The following RGPD2 variants were observed in gnomAD, a reference collection of about 807,000 sequenced individuals.
The protein encoded by RGPD2 is RANBP2-like and GRIP domain-containing protein 2.
A neutral mutation model predicts 36.0 loss-of-function variants in RGPD2; 2 were observed. The observed-to-expected ratio is 0.06, with a 90% CI of 0.02 to 0.17. The LOEUF is 0.17. Ranked by LOEUF, RGPD2 falls within the 10% of genes least tolerant of loss-of-function variation. RGPD2 has a pLI of 1.00. For synonymous variants in RGPD2, 19 were observed against 163.8 expected (o/e 0.12, Z 6.75); for missense variants, 40 against 464.3 (o/e 0.09, Z 8.40).
At position 87,792,266 on chromosome 2, in the gene RGPD2, C is replaced by T; in HGVS notation, c.2275G>A (p.Gly759Ser). 1 of 39,508 alleles carries T rather than the reference C, an allele frequency of 2.5e-5. No homozygotes were observed. Among genetic ancestry groups the T allele is most frequent in the Non-Finnish European group, 3.4e-5 (1 of 29,090 alleles). 2.4% of individuals were successfully genotyped at this position (39,508 alleles called of 1,614,324 possible). The change falls in exon 16 of 23, where the codon GGT becomes AGT. Residue 759 changes from glycine (G) to serine (S), a missense_variant. Gly to Ser is a moderately conservative substitution (Grantham distance 56). Coordinates refer to ENST00000398146, the MANE Select transcript of RGPD2 (RefSeq NM_001078170.3). ...MQELEDYSEG[G>S]PLYKNGSLRN... is the part of the protein sequence containing the mutation. ...AAAGAACCATTTTTATAGAGAGGAC[C>T]TCCTTCACTATAGTCTTCGAGTTCC...
the RGPD2 span, among the ~76,000 whole-genome samples, chr2:87,957,300 C>G: frequency 2.0e-5 from 3 of 147,628 alleles, no homozygotes; most frequent in Admixed American, 2.0e-4. Context: ...CTTTCTCTCT[C>G]TCTCTCTCTT....
At chr2:87,854,771 A>G in the RGPD2 span, among the ~76,000 whole-genome samples, 21 of 151,960 alleles carry the variant, frequency 1.4e-4, no homozygotes, top group African/African-American at 4.6e-4. Context: ...TTGTTTATTC[A>G]CCTATTGAAG....
the RGPD2 span, among the ~76,000 whole-genome samples, chr2:87,902,496 AT>A: frequency 6.8e-6 from 1 of 147,190 alleles, no homozygotes; most frequent in Non-Finnish European, 1.5e-5. Context: ...ATTTGCAACT[AT>A]GATTTTGTAG....
the RGPD2 span, among the ~76,000 whole-genome samples, chr2:87,964,601 T>C: frequency 1.3e-5 from 2 of 151,922 alleles, no homozygotes; most frequent in African/African-American, 4.8e-5. Context: ...TGGCACGATC[T>C]CAGCTCACTG....
chr2:87,856,722 CAT>C, the RGPD2 span, among the ~76,000 whole-genome samples: 1 of 147,120 alleles, frequency 6.8e-6, no homozygotes, highest in African/African-American at 2.4e-5. Context: ...CCTAAAAATA[CAT>C]TTTGGTGTGT....
the RGPD2 span, among the ~76,000 whole-genome samples, chr2:87,877,902 G>A: frequency 6.7e-6 from 1 of 148,918 alleles, no homozygotes; most frequent in Non-Finnish European, 1.5e-5. Flanking sequence ...TCCACTGTTA[G>A]TCTGATAGGC....
the RGPD2 span, among the ~76,000 whole-genome samples, chr2:87,877,049 T>C: frequency 1.3e-5 from 2 of 152,306 alleles, no homozygotes; most frequent in African/African-American, 4.8e-5. Flanking sequence ...GCTGTCCATT[T>C]TCTTGGTAGA....
chr2:87,949,143 G>GAA, the RGPD2 span, among the ~76,000 whole-genome samples: 1 of 140,536 alleles, frequency 7.1e-6, no homozygotes. Context: ...GAGACTGTCT[G>GAA]AAAAAAAAAA....
the RGPD2 span, chr2:87,972,610 T>C: frequency 9.0e-7 from 1 of 1,110,172 alleles, no homozygotes; most frequent in Middle Eastern, 2.9e-4. Context: ...GCGGGGCGGC[T>C]GGCGGTAGAG....
At chr2:87,986,772 C>A in the RGPD2 span, among the ~76,000 whole-genome samples, 1 of 151,022 alleles carries the variant, frequency 6.6e-6, no homozygotes, top group African/African-American at 2.4e-5. Flanking sequence ...CCCAGCTACT[C>A]AGGAGGCTGA....
At chr2:87,760,922 T>C (rs974468176) in intron 22 of RGPD2, among the ~76,000 whole-genome samples, 18 of 150,494 alleles carry the variant, frequency 1.2e-4, no homozygotes, top group African/African-American at 4.1e-4. Flanking sequence ...TGGCTTTCTC[T>C]TTTTCTTCTC....
the RGPD2 span, among the ~76,000 whole-genome samples, chr2:87,831,542 T>C: frequency 1.3e-5 from 2 of 151,124 alleles, no homozygotes; most frequent in Non-Finnish European, 3.0e-5. Flanking sequence ...AAAAAACATA[T>C]CTTAAAAAAA....
the RGPD2 span, among the ~76,000 whole-genome samples, chr2:87,836,900 A>C: frequency 3.7e-3 from 561 of 152,234 alleles, 4 homozygotes; most frequent in African/African-American, 0.013. Flanking sequence ...ACTTATCATC[A>C]AACAGAAAGA....
chr2:87,989,419 C>T, the RGPD2 span, among the ~76,000 whole-genome samples: 94 of 152,110 alleles, frequency 6.2e-4, no homozygotes, highest in African/African-American at 2.2e-3. Context: ...ATCAAAAGGA[C>T]ATTTAGTTTT....
chr2:87,848,839 T>C, the RGPD2 span, among the ~76,000 whole-genome samples: 1 of 140,890 alleles, frequency 7.1e-6, no homozygotes, highest in African/African-American at 2.6e-5. Flanking sequence ...TTAAAAAGGG[T>C]GGAAAATAAT....
intron 4 of RGPD2, among the ~76,000 whole-genome samples, chr2:87,815,081 T>C (rs1461191475): frequency 2.2e-5 from 3 of 139,278 alleles, no homozygotes; most frequent in African/African-American, 3.0e-5. Flanking sequence ...TCTGTGGTAA[T>C]AGAGTAGCTC....
the RGPD2 span, among the ~76,000 whole-genome samples, chr2:87,846,719 A>G: frequency 6.6e-6 from 1 of 151,320 alleles, no homozygotes; most frequent in South Asian, 2.1e-4. Flanking sequence ...AACCATGGCT[A>G]TTAGCATTTT....
the RGPD2 span, among the ~76,000 whole-genome samples, chr2:87,883,215 A>C: frequency 6.6e-6 from 1 of 151,790 alleles, no homozygotes; most frequent in South Asian, 2.1e-4. Context: ...TTTTCTCTGC[A>C]ATCAAAATTC....
the RGPD2 span, among the ~76,000 whole-genome samples, chr2:87,834,403 T>A: frequency 6.6e-6 from 1 of 152,012 alleles, no homozygotes; most frequent in East Asian, 1.9e-4. Context: ...GAAGCAAGAA[T>A]TAAAGCTCTC....
Sources: gnomAD v4.1 joint callset for allele counts (sites outside exome capture counted in the v4.1 genomes callset) on GRCh38, gnomAD v4.1.1 for gene constraint, MANE v1.5 for transcripts, NCBI Gene and HGNC (gene_info 2026-07-23, HGNC 2026-07-21) for gene names.